Variants in MRPL47 observed in about 807,000 individuals in gnomAD.
MRPL47 encodes large ribosomal subunit protein uL29m.
A neutral mutation model predicts 34.0 loss-of-function variants in MRPL47; 31 were observed. That is an observed-to-expected ratio of 0.91 (90% CI 0.68 to 1.23). The LOEUF (loss-of-function observed/expected upper bound fraction) is 1.23, where lower values mean the gene tolerates loss of function less well. MRPL47 is among the 50% of genes most tolerant of loss of function. The probability of loss-of-function intolerance (pLI) is 0.00; values close to 1 mark genes in which losing one functional copy is unlikely to be tolerated. For missense variants in MRPL47, 328 were observed against 285.8 expected (o/e 1.15, Z -1.07); for synonymous variants, 106 against 101.6 (o/e 1.04, Z -0.26).
chr3:179,597,836 CT>C (rs113425680), intron 4 of MRPL47, among the ~76,000 whole-genome samples: 13,771 of 152,002 alleles, frequency 0.091, 676 homozygotes, highest in South Asian at 0.17. Context: ...AAGTAACCAA[CT>C]TCTCACAATA....
At chr3:179,603,869 T>A (rs1718989301) in intron 1 of MRPL47, among the ~76,000 whole-genome samples, 1 of 151,902 alleles carries the variant, frequency 6.6e-6, no homozygotes, top group African/African-American at 2.4e-5. Flanking sequence ...AAGTGTTGTA[T>A]CCCTACCAAA....
At chr3:179,603,660 G>A (rs1718983256) in intron 1 of MRPL47, among the ~76,000 whole-genome samples, 1 of 152,012 alleles carries the variant, frequency 6.6e-6, no homozygotes, top group Non-Finnish European at 1.5e-5. Context: ...ATTATAGATG[G>A]GAATTTATAA....
At chr3:179,599,721 A>T (rs1378685919) in intron 3 of MRPL47, among the ~76,000 whole-genome samples, 1 of 152,238 alleles carries the variant, frequency 6.6e-6, no homozygotes, top group African/African-American at 2.4e-5. Context: ...CCAGGGAAAG[A>T]GTCATAGAGA....
At chr3:179,598,426 A>ACACACAC (rs1553779586) in intron 4 of MRPL47, among the ~76,000 whole-genome samples, 1 of 142,332 alleles carries the variant, frequency 7.0e-6, no homozygotes, top group African/African-American at 2.7e-5. Flanking sequence ...ACACACACAC[A>ACACACAC]AACAAAAAAA....
rs775509903 is a variant in MRPL47 at position 179,602,676 on chromosome 3, A to G, written c.220T>C (p.Trp74Arg). The change falls in exon 2 of 7, where the codon TGG becomes CGG. Residue 74 changes from tryptophan to arginine, a missense_variant. By Grantham distance (101) the Trp-to-Arg change is moderately radical (BLOSUM62 -3). Coordinates refer to ENST00000476781, the MANE Select transcript of MRPL47 (RefSeq NM_020409.3). ...LEEFFDDPKN[W>R]GQEKVKSGAA... is the part of the protein sequence containing the mutation. The stretch of plus-strand genomic sequence containing the variant: ...CCAGATTTTACTTTTTCTTGCCCCC[A>G]GTTTTTTGGGTCATCAAAAAATTCT... 9.9e-6 allele frequency: 16 copies of G among 1,608,088 alleles called. No individual in the cohort carries two copies. Among genetic ancestry groups the G allele is most frequent in the Admixed American group, 3.4e-5 (2 of 59,314 alleles).
At chr3:179,604,396 A>G (rs1719008227) in intron 1 of MRPL47, 131 bp downstream of exon 1, 5 of 790,106 alleles carry the variant, frequency 6.3e-6, no homozygotes, top group South Asian at 1.7e-5. Flanking sequence ...ACTCCTCACC[A>G]AAGTGGGCTC....
intron 6 of MRPL47, among the ~76,000 whole-genome samples, chr3:179,590,166 C>T (rs1347177312): frequency 1.3e-5 from 2 of 152,108 alleles, no homozygotes; most frequent in Non-Finnish European, 2.9e-5. Flanking sequence ...TGGTGAAACC[C>T]TGTCTCTGCT....
chr3:179,593,749 AGT>A lies in MRPL47; in HGVS notation c.533+14_533+15del. On this transcript the variant is annotated intron_variant, in intron 5 of 6. Transcript: ENST00000476781. ...TCCACTCTCATCTTAGAAGAGCCACAGTGTTAACTACATACCAGATGATTCTT... is the reference window on the plus strand; with the variant it reads ...TCCACTCTCATCTTAGAAGAGCCACAGTTAACTACATACCAGATGATTCTT... 6.3e-7 allele frequency: 1 copy of A among 1,599,854 alleles called. No individual in the cohort carries two copies. The highest frequency in any genetic ancestry group is 2.2e-5 in the East Asian group (1 of 44,528).
Position 179,602,878 on chromosome 3 carries a change from T to C in MRPL47, c.99-81A>G, listed in dbSNP as rs182024792. ...GCAATAAACATTATCATAATAAACA[T>C]AATCATTTTGTCATCGATAACATTT... On this transcript the variant is annotated intron_variant, in intron 1 of 6. Transcript: ENST00000476781. 9.9e-6 allele frequency: 11 copies of C among 1,114,722 alleles called. No homozygotes were observed. In the Admixed American group the frequency reaches 2.8e-4, roughly 28 times the overall value. 69.1% of individuals were successfully genotyped at this position (1,114,722 alleles called of 1,614,324 possible). A position where few individuals can be genotyped will look rare whatever the true frequency, so the allele number is the denominator to read the frequency against.
intron 6 of MRPL47, 117 bp from the exon 7 acceptor site, chr3:179,589,112 T>C (rs1718602658): frequency 9.9e-7 from 1 of 1,005,078 alleles, no homozygotes; most frequent in East Asian, 2.6e-5. Context: ...GTCCCTGTAT[T>C]TGGTGTGTTA....
intron 6 of MRPL47, among the ~76,000 whole-genome samples, chr3:179,589,379 A>G (rs919158135): frequency 6.6e-6 from 1 of 152,194 alleles, no homozygotes; most frequent in Admixed American, 6.5e-5. Context: ...AAGTCTCAGG[A>G]TATCTCTCAT....
rs1393580021 is a variant in MRPL47 at position 179,588,848 on chromosome 3, G to A, written c.*24C>T. ...ACAGACTATTCAAGAAAAACAAAAT[G>A]GTAAATTTAATAGTTCAGACATCTT... On this transcript the variant is annotated 3_prime_UTR_variant, in exon 7 of 7. Transcript: ENST00000476781. 1.2e-6 allele frequency: 2 copies of A among 1,603,612 alleles called. No homozygotes were observed. The highest frequency in any genetic ancestry group is 1.7e-6 in the Non-Finnish European group (2 of 1,175,728).
intron 3 of MRPL47, among the ~76,000 whole-genome samples, chr3:179,600,294 A>T (rs954223610): frequency 6.6e-6 from 1 of 152,232 alleles, no homozygotes; most frequent in Non-Finnish European, 1.5e-5. Flanking sequence ...TTTCATAAAC[A>T]CTTCACAATT....
At chr3:179,591,315 T>C (rs181453622) in intron 6 of MRPL47, among the ~76,000 whole-genome samples, 23 of 152,186 alleles carry the variant, frequency 1.5e-4, no homozygotes, top group Admixed American at 1.4e-3. Context: ...GCAATGGGAG[T>C]TGGATAGCAC....
At chr3:179,593,653 T>G (rs1192581633) in intron 5 of MRPL47, 112 bp downstream of exon 5, 2 of 908,984 alleles carry the variant, frequency 2.2e-6, no homozygotes, top group Non-Finnish European at 3.2e-6. Context: ...ATTAGACATA[T>G]CTCTAATATT....
intron 4 of MRPL47, among the ~76,000 whole-genome samples, chr3:179,597,551 G>A (rs764053162): frequency 2.0e-5 from 3 of 152,188 alleles, no homozygotes; most frequent in Non-Finnish European, 4.4e-5. Flanking sequence ...ACTCACACCT[G>A]TAATCCCAGC....
At chr3:179,590,795 A>C (rs1718657504) in intron 6 of MRPL47, among the ~76,000 whole-genome samples, 1 of 152,214 alleles carries the variant, frequency 6.6e-6, no homozygotes. Context: ...ATGAAGACAC[A>C]GACTGCACTA....
rs558314483 is a variant in MRPL47, at chr3:179,588,493, C to T, written c.*379G>A. 1 of 177,480 alleles carries T rather than the reference C, an allele frequency of 5.6e-6. No homozygotes were observed. The highest frequency in any genetic ancestry group is 1.6e-4 in the East Asian group (1 of 6,418). 11.0% of individuals were successfully genotyped at this position (177,480 alleles called of 1,614,324 possible). On this transcript the variant is annotated 3_prime_UTR_variant, in exon 7 of 7. Transcript: ENST00000476781. ...TGAATCAAAGTCCTCCGTTTATTAACAGCAATACCCACATCCTCTTCATAG... is the reference window on the plus strand; with the variant it reads ...TGAATCAAAGTCCTCCGTTTATTAATAGCAATACCCACATCCTCTTCATAG...
chr3:179,602,823 TA>T (rs1256648734), intron 1 of MRPL47, 26 bp from the exon 2 acceptor site: 2 of 1,550,500 alleles, frequency 1.3e-6, no homozygotes, highest in Non-Finnish European at 1.7e-6. Context: ...CATAAACAAG[TA>T]AAAGTTTTAT....
Sources: allele counts gnomAD v4.1 joint callset (sites outside exome capture counted in the v4.1 genomes callset), GRCh38; gene constraint gnomAD v4.1.1; transcripts MANE v1.5; gene names NCBI Gene and HGNC (gene_info 2026-07-23, HGNC 2026-07-21).